Variants in NF1 observed in about 807,000 individuals in gnomAD.
NF1 encodes neurofibromin.
In NF1, 122 loss-of-function variants were observed where a neutral mutation model predicts 325.7. The observed-to-expected ratio is 0.37, with a 90% CI of 0.32 to 0.44. The LOEUF is 0.44. Among genes scored for constraint, NF1 ranks in the 20% least tolerant of loss-of-function variants. The pLI, the probability that NF1 is intolerant of heterozygous loss-of-function variation, is 1.00. For missense variants in NF1, 2,140 were observed against 3,415.4 expected (o/e 0.63, Z 9.31); for synonymous variants, 1,091 against 1,186.0 (o/e 0.92, Z 1.65).
chr17:31,219,301 A>C (rs189148140), intron 14 of NF1, 183 bp downstream of exon 14: 6 of 523,114 alleles, frequency 1.1e-5, no homozygotes, highest in Middle Eastern at 4.7e-4. Context: ...CTTGCTTTGT[A>C]TCACATAGCA....
chr17:31,097,502 T>C (rs992792111), intron 1 of NF1, among the ~76,000 whole-genome samples: 1 of 149,946 alleles, frequency 6.7e-6, no homozygotes, highest in Non-Finnish European at 1.5e-5. Context: ...TTTGATTATA[T>C]ACCCAGTAAA....
At chr17:31,249,307 T>C (rs2067454620) in intron 30 of NF1, among the ~76,000 whole-genome samples, 188 bp downstream of exon 30, 1 of 152,202 alleles carries the variant, frequency 6.6e-6, no homozygotes, top group Admixed American at 6.6e-5. Flanking sequence ...TAGGCAACAG[T>C]TTGAAGTAAG....
intron 15 of NF1, 92 bp downstream of exon 15, chr17:31,222,021 T>C: frequency 7.5e-7 from 1 of 1,337,834 alleles, no homozygotes. Context: ...TAGTACATTG[T>C]AAAACTTACA....
At position 31,336,796 on chromosome 17, in the gene NF1, C is replaced by T. The variant is rs2151554779; in HGVS notation, c.6309C>T (p.Leu2103=). ...ATGTGGCAGCTCATCTTCCCTACCTCTTCCACGTTGTTACTTTCTTAGTAG... is the reference window on the plus strand; with the variant it reads ...ATGTGGCAGCTCATCTTCCCTACCTTTTCCACGTTGTTACTTTCTTAGTAG... ...SLDVAAHLPY[L]FHVVTFLVAT... is the part of the protein sequence containing the mutation. Residue 2103 remains leucine, a synonymous_variant, in exon 42 of 58, where the codon CTC becomes CTT. Transcript: ENST00000358273. This position sits in a 1 kb window ranked among gnomAD's most constrained non-coding sequence, Gnocchi z 5.5. 6.2e-7 allele frequency: 1 copy of T among 1,614,096 alleles called. No individual in the cohort carries two copies. Among genetic ancestry groups the T allele is most frequent in the Non-Finnish European group, 8.5e-7 (1 of 1,180,030 alleles).
At chr17:31,234,487 C>T (rs1214031406) in intron 27 of NF1, among the ~76,000 whole-genome samples, 2 of 151,620 alleles carry the variant, frequency 1.3e-5, no homozygotes, top group African/African-American at 4.8e-5. Context: ...TCCTGGCTAA[C>T]ACCGTGAAAC....
chr17:31,125,457 C>A (rs1914798756), intron 1 of NF1, among the ~76,000 whole-genome samples: 1 of 151,908 alleles, frequency 6.6e-6, no homozygotes, highest in African/African-American at 2.4e-5. Context: ...TGTCTGGGAG[C>A]AGAATTTTTC....
At chr17:31,296,592 C>G in intron 36 of NF1, 2 of 474,516 alleles carry the variant, frequency 4.2e-6, no homozygotes, top group Non-Finnish European at 7.7e-6. Context: ...TTCTCTCTCC[C>G]TCCCCCCTTT....
chr17:31,360,465 A>G (rs2151587506), intron 56 of NF1, 22 bp from the exon 57 acceptor site: 2 of 1,601,970 alleles, frequency 1.2e-6, no homozygotes, highest in Non-Finnish European at 1.7e-6. Context: ...GAACTAAAAT[A>G]ATTTCCTATT....
chr17:31,344,217 A>G (rs1054987103), intron 48 of NF1, among the ~76,000 whole-genome samples: 64 of 152,074 alleles, frequency 4.2e-4, no homozygotes, highest in African/African-American at 1.5e-3. Flanking sequence ...CTGGCACCCT[A>G]TTCTCACCCC....
At chr17:31,248,831 C>CTT (rs75577313) in intron 29 of NF1, among the ~76,000 whole-genome samples, 153 bp from the exon 30 acceptor site, 1 of 145,172 alleles carries the variant, frequency 6.9e-6, no homozygotes, top group Non-Finnish European at 1.5e-5. Context: ...TCAAAGTTGT[C>CTT]TTTTTTTTTT....
chr17:31,294,303 T>TG (rs1233680379), intron 36 of NF1, among the ~76,000 whole-genome samples: 1 of 152,198 alleles, frequency 6.6e-6, no homozygotes, highest in African/African-American at 2.4e-5. Flanking sequence ...TTTTCTTACA[T>TG]GCAAAAAACA....
At chr17:31,152,004 G>T (rs192844065) in intron 1 of NF1, among the ~76,000 whole-genome samples, 1 of 152,008 alleles carries the variant, frequency 6.6e-6, no homozygotes, top group Non-Finnish European at 1.5e-5. Flanking sequence ...TTTACATTAG[G>T]TATATCTCCT....
intron 29 of NF1, among the ~76,000 whole-genome samples, chr17:31,243,985 A>G (rs1201142709): frequency 1.3e-5 from 2 of 152,072 alleles, no homozygotes; most frequent in Non-Finnish European, 2.9e-5. Flanking sequence ...CTGCCTGGCT[A>G]TCCCTCCTGG....
chr17:31,349,060 A>T (rs911810931), intron 48 of NF1, 60 bp from the exon 49 acceptor site: 1 of 1,539,988 alleles, frequency 6.5e-7, no homozygotes, highest in African/African-American at 1.4e-5. Context: ...ACCTCAGCAG[A>T]TGCTTGTTCA....
intron 36 of NF1, chr17:31,317,889 T>A (rs906431691): frequency 5.9e-6 from 1 of 168,104 alleles, no homozygotes; most frequent in Non-Finnish European, 1.3e-5. Context: ...ATTAGGAATT[T>A]GACTTCCATT....
At chr17:31,114,547 T>TA (rs143972435) in intron 1 of NF1, among the ~76,000 whole-genome samples, 13,108 of 101,906 alleles carry the variant, frequency 0.13, 1,875 homozygotes, top group African/African-American at 0.38. Context: ...CAAAAAAGAA[T>TA]AAAAAAAAAA....
chr17:31,102,199 G>A (rs1192219697), intron 1 of NF1, among the ~76,000 whole-genome samples: 3 of 152,026 alleles, frequency 2.0e-5, no homozygotes, highest in African/African-American at 7.2e-5. Flanking sequence ...TTTTGAATCA[G>A]GTTTCAGATC....
chr17:31,187,832 G>A (rs1469021823), intron 8 of NF1, among the ~76,000 whole-genome samples: 2 of 152,092 alleles, frequency 1.3e-5, no homozygotes, highest in Non-Finnish European at 2.9e-5. Context: ...ACACAACAAC[G>A]ATTCCATTAA....
chr17:31,181,850 C>G, intron 7 of NF1, 65 bp downstream of exon 7: 2 of 1,131,028 alleles, frequency 1.8e-6, no homozygotes, highest in Non-Finnish European at 2.7e-6. Context: ...ACATAAAAAC[C>G]TATCATCGTT....
Sources: allele counts gnomAD v4.1 joint callset (sites outside exome capture counted in the v4.1 genomes callset), GRCh38; gene constraint gnomAD v4.1.1; non-coding constraint Gnocchi (gnomAD v3.1); transcripts MANE v1.5; gene names NCBI Gene and HGNC (gene_info 2026-07-23, HGNC 2026-07-21).